Variants in MYO1C observed in about 807,000 individuals in gnomAD.
The protein encoded by MYO1C is unconventional myosin-Ic.
MYO1C carries 104 observed loss-of-function variants against 150.8 expected under a neutral mutation model. The observed-to-expected ratio is 0.69, with a 90% CI of 0.59 to 0.81. The LOEUF (loss-of-function observed/expected upper bound fraction) is 0.81. MYO1C is among the 30% of genes least tolerant of loss of function. The pLI is 0.00. For missense variants in MYO1C, 1,504 were observed against 1,435.0 expected (o/e 1.05, Z -0.78); for synonymous variants, 663 against 579.9 (o/e 1.14, Z -2.06).
rs1044337859 is a variant in MYO1C, at chr17:1,478,529, G to T, written c.1213-37C>A. The T allele has an allele frequency of 2.5e-6, 4 of 1,613,698 alleles. No homozygotes were observed. The African/African-American group carries it at 4.0e-5, about 16-fold the overall frequency. The stretch of plus-strand genomic sequence containing the variant: ...ATTCAACCGAAGGCGTGGGCCCCCT[G>T]CGCGTGCCAGCCCCACCCTGCAGCA... On this transcript the variant is annotated intron_variant, in intron 10 of 31. Transcript: ENST00000648651. This position sits in a 1 kb window ranked among gnomAD's most constrained non-coding sequence, Gnocchi z 6.3.
At chr17:1,491,638 C>T (rs1288390704) in intron 1 of MYO1C, 8 of 980,964 alleles carry the variant, frequency 8.2e-6, no homozygotes, top group African/African-American at 1.8e-5. Flanking sequence ...CCGGGCTGGG[C>T]GGCGTGGCGG....
Position 1,472,193 on chromosome 17 carries a change from C to T in MYO1C, c.1833G>A (p.Leu611=), listed in dbSNP as rs373988183. The stretch of plus-strand genomic sequence containing the variant: ...GCTCCTTAGACTGCAGGATCTCCAC[C>T]AGCTGCAGGAGGCTCATCTTGAACT... ...ATQFKMSLLQ[L]VEILQSKEPA... Residue 611 remains leucine (L), a synonymous_variant, in exon 18 of 32, where the codon CTG becomes CTA. Transcript: ENST00000648651. The T allele has an allele frequency of 4.5e-5, 73 of 1,614,040 alleles. No homozygotes were observed. The highest frequency in any genetic ancestry group is 5.3e-5 in the Non-Finnish European group (62 of 1,180,028).
intron 14 of MYO1C, 107 bp from the exon 15 acceptor site, chr17:1,475,139 G>A: frequency 1.7e-6 from 2 of 1,143,648 alleles, no homozygotes; most frequent in Non-Finnish European, 2.6e-6. Flanking sequence ...GTGCACCCCA[G>A]GCCGGGCACA....
chr17:1,472,139 A>T lies in MYO1C; in HGVS notation c.1887T>A (p.Asn629Lys). Residue 629 changes from asparagine to lysine, a missense_variant, in exon 18 of 32, where the codon AAT becomes AAA. Physicochemically the swap from Asn to Lys is moderately conservative, Grantham distance 94. Coordinates refer to ENST00000648651, the MANE Select transcript of MYO1C (RefSeq NM_001080779.2). ...EPAYVRCIKP[N>K]DAKQPGRFDE... The stretch of plus-strand genomic sequence containing the variant: ...GGGGCCTACCGGGCTGTTTGGCATC[A>T]TTGGGTTTGATGCAGCGGACGTAGG... 2 of 1,614,066 alleles carry T rather than the reference A, an allele frequency of 1.2e-6. No homozygotes were observed. The highest frequency in any genetic ancestry group is 1.3e-5 in the African/African-American group (1 of 75,048).
At position 1,464,579 on chromosome 17, in the gene MYO1C, T is replaced by C. The variant is rs2074133485; in HGVS notation, c.*1147A>G. On this transcript the variant is annotated 3_prime_UTR_variant, in exon 32 of 32. Transcript: ENST00000648651. Reference sequence around the variant, plus strand: ...TGTGGGTTTTATGGGGCTCCCTGGCTCTGGGAGTGGCAGTGAGGCACGCTG... The same window carrying C: ...TGTGGGTTTTATGGGGCTCCCTGGCCCTGGGAGTGGCAGTGAGGCACGCTG... 6.5e-6 allele frequency: 1 copy of C among 152,694 alleles called. No homozygotes were observed. Among genetic ancestry groups the C allele is most frequent in the Admixed American group, 6.5e-5 (1 of 15,274 alleles). The allele number at this position is 152,694 out of a possible 1,614,324, so 9.5% of individuals were successfully genotyped here. A position where few individuals can be genotyped will look rare whatever the true frequency, so the allele number is the denominator to read the frequency against.
chr17:1,480,455 T>TA (rs200535390), intron 7 of MYO1C, 72 bp downstream of exon 7: 25,330 of 1,346,410 alleles, frequency 0.019, 392 homozygotes, highest in African/African-American at 0.092. Context: ...TCTCAAAAAA[T>TA]AAAAAACAAA....
Position 1,477,883 on chromosome 17 carries a change from G to A in MYO1C, c.1482+8C>T, listed in dbSNP as rs373472951. The A allele has an allele frequency of 1.2e-6, 2 of 1,612,726 alleles. No homozygotes were observed. Among genetic ancestry groups the A allele is most frequent in the African/African-American group, 1.3e-5 (1 of 75,008 alleles). On this transcript the variant is annotated splice_region_variant and intron_variant, in intron 13 of 31. Coordinates refer to ENST00000648651, the MANE Select transcript of MYO1C (RefSeq NM_001080779.2). ...CAGCACCAGGCCTTGGAGGCGCAGA[G>A]GACTCACCAAAATCGAGATGATGCC...
intron 17 of MYO1C, among the ~76,000 whole-genome samples, chr17:1,472,934 C>T (rs935976496): frequency 1.4e-4 from 22 of 152,356 alleles, no homozygotes; most frequent in African/African-American, 5.1e-4. Flanking sequence ...GGCGCGGTGG[C>T]TCACGCCTGT....
In MYO1C at chr17:1,492,591, T is replaced by A; in HGVS notation, c.-104A>T. On this transcript the variant is annotated 5_prime_UTR_variant, in exon 1 of 32. Coordinates refer to ENST00000648651, the MANE Select transcript of MYO1C (RefSeq NM_001080779.2). The stretch of plus-strand genomic sequence containing the variant: ...ACTCCGGGACCAGGAACCTACGGTC[T>A]AACGCCGGGATGGCCACTTGGTTCT... 1 of 1,100,898 alleles carries A rather than the reference T, an allele frequency of 9.1e-7. No homozygotes were observed. The highest frequency in any genetic ancestry group is 1.6e-5 in the African/African-American group (1 of 64,278). 68.2% of individuals were successfully genotyped at this position (1,100,898 alleles called of 1,614,324 possible).
chr17:1,466,153 CTTTTT>C (rs71148490), intron 31 of MYO1C, among the ~76,000 whole-genome samples: 44 of 91,596 alleles, frequency 4.8e-4, no homozygotes, highest in African/African-American at 1.8e-3. Context: ...GCCGTGCTGC[CTTTTT>C]TTTTTTTTTT....
At chr17:1,482,643 C>A in intron 4 of MYO1C, 85 bp from the exon 5 acceptor site, 1 of 1,189,816 alleles carries the variant, frequency 8.4e-7, no homozygotes, top group Non-Finnish European at 1.2e-6. Context: ...CTGCCCCTCC[C>A]CTCCCGCACT....
intron 31 of MYO1C, 151 bp downstream of exon 31, chr17:1,467,091 G>A (rs1567512150): frequency 5.3e-6 from 4 of 753,740 alleles, no homozygotes; most frequent in African/African-American, 1.7e-5. Context: ...GGCTCTCTCT[G>A]GCCCTCATGG....
rs751302564 is a variant in MYO1C at position 1,467,472 on chromosome 17, C to A, written c.3065+8G>T. 1 of 1,612,430 alleles carries A rather than the reference C, an allele frequency of 6.2e-7. No homozygotes were observed. Among genetic ancestry groups the A allele is most frequent in the African/African-American group, 1.3e-5 (1 of 74,816 alleles). On this transcript the variant is annotated splice_region_variant and intron_variant, in intron 30 of 31. Transcript: ENST00000648651. ...CCGCCCTGTCCCCGGGGGCCGCCCG[C>A]GCCTCACCTGCCCTGGTTGATGTTG...
rs2074746123 is a variant in MYO1C, at chr17:1,492,416, C to T, written c.72G>A (p.Lys24=). 5 of 1,604,474 alleles carry T rather than the reference C, an allele frequency of 3.1e-6. No homozygotes were observed. The highest frequency in any genetic ancestry group is 4.3e-6 in the Non-Finnish European group (5 of 1,175,856). ...IRVVHPHRPC[K]LALGSDGVRV... Reference sequence around the variant, plus strand: ...AGCCCAGAGCATCCCAGCTTACAAGCTTGCAGGGCCTGTGGGGATGAACCA... The same window carrying T: ...AGCCCAGAGCATCCCAGCTTACAAGTTTGCAGGGCCTGTGGGGATGAACCA... The change falls in exon 1 of 32, where the codon AAG becomes AAA. Residue 24 remains lysine (K), a synonymous_variant. Coordinates refer to ENST00000648651, the MANE Select transcript of MYO1C (RefSeq NM_001080779.2).
chr17:1,474,419 C>G (rs1256880237), intron 17 of MYO1C, among the ~76,000 whole-genome samples, 191 bp downstream of exon 17: 2 of 138,784 alleles, frequency 1.4e-5, no homozygotes, highest in African/African-American at 5.8e-5. Context: ...CAGAGCGAGA[C>G]CCTGTCTCAA....
Position 1,482,483 on chromosome 17 carries a change from A to G in MYO1C, c.622T>C (p.Phe208Leu), listed in dbSNP as rs2074543131. ...FGKYMDVQFDFKGAPVGGHIL... is the reference protein window; with the variant it reads ...FGKYMDVQFDLKGAPVGGHIL... ...GACACACACATCCATGGTACCTTGAAGTCAAACTGCACATCCATGTACTTC... is the reference window on the plus strand; with the variant it reads ...GACACACACATCCATGGTACCTTGAGGTCAAACTGCACATCCATGTACTTC... Residue 208 changes from phenylalanine (F) to leucine (L), a missense_variant, in exon 5 of 32, where the codon TTC becomes CTC. By Grantham distance (22) the Phe-to-Leu change is conservative. Coordinates refer to ENST00000648651, the MANE Select transcript of MYO1C (RefSeq NM_001080779.2). 3.7e-6 allele frequency: 6 copies of G among 1,613,910 alleles called. No individual in the cohort carries two copies. In the East Asian group the frequency reaches 1.3e-4, roughly 36 times the overall value.
chr17:1,491,532 C>A, intron 1 of MYO1C: 1 of 757,756 alleles, frequency 1.3e-6, no homozygotes, highest in Non-Finnish European at 1.6e-6. Context: ...CACGGCGGCT[C>A]CCGGCCCGGC....
chr17:1,468,511 G>A lies in MYO1C; in HGVS notation c.2611-15C>T. On this transcript the variant is annotated splice_polypyrimidine_tract_variant and intron_variant, in intron 25 of 31. Transcript: ENST00000648651. ...TTCTGCTGCAGCTGAGGAGACAAGGGGGGTGAGGAGAGTGTCATGGTGGGG... is the reference window on the plus strand; with the variant it reads ...TTCTGCTGCAGCTGAGGAGACAAGGAGGGTGAGGAGAGTGTCATGGTGGGG... The A allele has an allele frequency of 1.2e-6, 2 of 1,606,758 alleles. No homozygotes were observed. Among genetic ancestry groups the A allele is most frequent in the South Asian group, 1.1e-5 (1 of 90,938 alleles).
rs1263801179 is a variant in MYO1C, at chr17:1,471,060, C to T, written c.2212+11G>A. On this transcript the variant is annotated intron_variant, in intron 21 of 31. Transcript: ENST00000648651. ...ACCCCGTGCAGCAGGAAGGGTAGGC[C>T]TCTCTCTCACCCAGGCTCTGCCGCC... The T allele has an allele frequency of 6.2e-7, 1 of 1,613,588 alleles. No homozygotes were observed. Among genetic ancestry groups the T allele is most frequent in the African/African-American group, 1.3e-5 (1 of 74,998 alleles).
Sources: gnomAD v4.1 joint callset for allele counts (sites outside exome capture counted in the v4.1 genomes callset) on GRCh38, gnomAD v4.1.1 for gene constraint, Gnocchi (gnomAD v3.1) non-coding constraint, MANE v1.5 for transcripts, NCBI Gene and HGNC (gene_info 2026-07-23, HGNC 2026-07-21) for gene names.